PAXBP1: variants seen among roughly 807,000 people sequenced by gnomAD.
PAXBP1 encodes PAX3 and PAX7 binding protein 1.
A neutral mutation model predicts 119.9 loss-of-function variants in PAXBP1; 44 were observed. The ratio of observed to expected loss-of-function variants is 0.37; its 90% CI spans 0.29 to 0.47. The LOEUF is 0.47. Among genes scored for constraint, PAXBP1 ranks in the 20% least tolerant of loss-of-function variants. PAXBP1 has a pLI of 0.99. For synonymous variants in PAXBP1, 393 were observed against 406.6 expected (o/e 0.97, Z 0.40); for missense variants, 898 against 1,134.1 (o/e 0.79, Z 2.99).
At chr21:32,747,501 A>T (rs1340629082) in intron 11 of PAXBP1, among the ~76,000 whole-genome samples, 2 of 152,214 alleles carry the variant, frequency 1.3e-5, no homozygotes, top group Non-Finnish European at 2.9e-5. Flanking sequence ...TGCACACAGC[A>T]AAACTTCAGA....
chr21:32,742,346 G>A (rs975730661), intron 15 of PAXBP1: 6 of 151,990 alleles, frequency 3.9e-5, no homozygotes, highest in Admixed American at 6.6e-5. Context: ...CTATCATCTG[G>A]ACTATGGACT....
intron 11 of PAXBP1, among the ~76,000 whole-genome samples, chr21:32,746,517 A>C (rs2043874909): frequency 6.6e-6 from 1 of 152,218 alleles, no homozygotes; most frequent in South Asian, 2.1e-4. Flanking sequence ...AACATCACCG[A>C]TGATTGGAGA....
chr21:32,735,203 T>C, intron 17 of PAXBP1, 136 bp from the exon 18 acceptor site: 2 of 641,708 alleles, frequency 3.1e-6, no homozygotes, highest in Admixed American at 5.9e-5. Context: ...GAAACAGATA[T>C]GCAAGCTACA....
intron 7 of PAXBP1, 42 bp downstream of exon 7, chr21:32,759,038 A>G (rs1433788315): frequency 6.3e-7 from 1 of 1,594,950 alleles, no homozygotes; most frequent in Admixed American, 1.7e-5. Flanking sequence ...GACCTCCCTA[A>G]TTTTGCCTTA....
intron 15 of PAXBP1, 37 bp downstream of exon 15, chr21:32,743,211 G>A (rs745332747): frequency 1.0e-5 from 15 of 1,488,118 alleles, no homozygotes; most frequent in South Asian, 1.2e-5. Flanking sequence ...GAAGTCAAAC[G>A]AAATCTGAGT....
intron 11 of PAXBP1, among the ~76,000 whole-genome samples, chr21:32,748,177 T>C (rs1277637340): frequency 6.6e-6 from 1 of 152,116 alleles, no homozygotes; most frequent in Non-Finnish European, 1.5e-5. Context: ...TCTGAGTTCC[T>C]CTAGGATCAA....
chr21:32,737,157 TTAAAC>T (rs1473946094), intron 17 of PAXBP1, 92 bp downstream of exon 17: 6 of 1,038,570 alleles, frequency 5.8e-6, no homozygotes, highest in African/African-American at 3.3e-5. Flanking sequence ...AACATACAAT[TTAAAC>T]TAAAATATAA....
intron 6 of PAXBP1, 148 bp downstream of exon 6, chr21:32,759,629 A>G (rs2044104283): frequency 1.4e-6 from 1 of 722,488 alleles, no homozygotes; most frequent in Non-Finnish European, 2.3e-6. Flanking sequence ...GTAGCAGAAC[A>G]AAGTATGAAG....
In PAXBP1 at chr21:32,745,819, AAAC is replaced by A. The variant is rs1468777866; in HGVS notation, c.1924-104_1924-102del. ...AGAACTGGATTTAACCTTTGGTTGC[AAAC>A]AACTAAAAACTGGACGGCTGGAGAT... On this transcript the variant is annotated intron_variant, in intron 11 of 17. Transcript: ENST00000331923. 5.0e-6 allele frequency: 7 copies of A among 1,399,358 alleles called. No individual in the cohort carries two copies. In the African/African-American group the frequency reaches 1.0e-4, roughly 20 times the overall value. 86.7% of individuals were successfully genotyped at this position (1,399,358 alleles called of 1,614,324 possible). A position where few individuals can be genotyped will look rare whatever the true frequency, so the allele number is the denominator to read the frequency against.
intron 10 of PAXBP1, among the ~76,000 whole-genome samples, chr21:32,750,332 C>T (rs2043940058): frequency 6.6e-6 from 1 of 152,088 alleles, no homozygotes; most frequent in South Asian, 2.1e-4. Flanking sequence ...GATCACTGTG[C>T]TAGTCTTTCA....
At chr21:32,741,702 A>G in intron 15 of PAXBP1, 1 of 568,562 alleles carries the variant, frequency 1.8e-6, no homozygotes, top group Admixed American at 2.7e-5. Context: ...AGAGTAATAT[A>G]TTTAGGTTTT....
At position 32,759,501 on chromosome 21, in the gene PAXBP1, T is replaced by A. The variant is rs182883975; in HGVS notation, c.1194-232A>T. The A allele has an allele frequency of 2.0e-5, 12 of 602,186 alleles. No homozygotes were observed. In the East Asian group the frequency reaches 3.4e-4, roughly 17 times the overall value. The allele number at this position is 602,186 out of a possible 1,614,324, so 37.3% of individuals were successfully genotyped here. A position where few individuals can be genotyped will look rare whatever the true frequency, so the allele number is the denominator to read the frequency against. On this transcript the variant is annotated intron_variant, in intron 6 of 17. Transcript: ENST00000331923. ...TCTCACTGTTTTGCTTTTCCCCCCA[T>A]AGCGTGACTACACTTTTTCAGAGTC...
chr21:32,761,562 A>T (rs2044147450), intron 4 of PAXBP1, among the ~76,000 whole-genome samples: 1 of 152,284 alleles, frequency 6.6e-6, no homozygotes, highest in Non-Finnish European at 1.5e-5. Context: ...TAAAAATTCC[A>T]ATAAAACACT....
chr21:32,737,850 T>C (rs924803338), intron 16 of PAXBP1, among the ~76,000 whole-genome samples: 32 of 152,280 alleles, frequency 2.1e-4, no homozygotes, highest in African/African-American at 7.5e-4. Context: ...GGAAGTCGAG[T>C]TGGCCCAGAC....
At chr21:32,770,020 GCT>G in intron 1 of PAXBP1, 78 bp from the exon 2 acceptor site, 15 of 1,123,346 alleles carry the variant, frequency 1.3e-5, no homozygotes, top group Middle Eastern at 3.1e-4. Flanking sequence ...GATCTTACGT[GCT>G]GTCCAAATTA....
At chr21:32,751,341 C>G (rs1409429318) in intron 8 of PAXBP1, 123 bp from the exon 9 acceptor site, 1 of 799,038 alleles carries the variant, frequency 1.3e-6, no homozygotes, top group Non-Finnish European at 2.0e-6. Context: ...TCTGCAATAA[C>G]TGGTAAACCA....
chr21:32,743,084 T>A (rs2043813007), intron 15 of PAXBP1, 164 bp downstream of exon 15: 1 of 713,826 alleles, frequency 1.4e-6, no homozygotes, highest in African/African-American at 1.8e-5. Flanking sequence ...AATATCAAAC[T>A]TGAATGAACT....
Position 32,745,631 on chromosome 21 carries a change from C to T in PAXBP1, c.2011G>A (p.Val671Ile), listed in dbSNP as rs2043860522. The change falls in exon 12 of 18, where the codon GTA becomes ATA. Residue 671 changes from valine (V) to isoleucine (I), a missense_variant. Val to Ile is a conservative substitution (Grantham distance 29). Around this residue, in one of 2 missense-constraint regions of PAXBP1, gnomAD observed 599 missense variants for 852.7 expected, o/e 0.70. Transcript: ENST00000331923. ...ATGGTAGGTAGTAGGGCAACATCTA[C>T]ATCATCTTTTTCTTGCTCTCGTTCT... Reference protein sequence around the residue: ...CEEREQEKDDVDVALLPTIVE... With the variant: ...CEEREQEKDDIDVALLPTIVE... The T allele has an allele frequency of 1.9e-6, 3 of 1,614,046 alleles. No homozygotes were observed. Among genetic ancestry groups the T allele is most frequent in the Non-Finnish European group, 2.5e-6 (3 of 1,179,928 alleles).
chr21:32,764,222 C>A, intron 3 of PAXBP1, 126 bp downstream of exon 3: 1 of 884,190 alleles, frequency 1.1e-6, no homozygotes, highest in East Asian at 2.9e-5. Context: ...GGAAAAACTC[C>A]CTCTTCAAAC....
Sources: gnomAD v4.1 joint callset for allele counts (sites outside exome capture counted in the v4.1 genomes callset) on GRCh38, gnomAD v4.1.1 for gene constraint, gnomAD v4.1.1 regional missense constraint, MANE v1.5 for transcripts, NCBI Gene and HGNC (gene_info 2026-07-23, HGNC 2026-07-21) for gene names.